The following PLA2G5 variants were observed in gnomAD, a reference collection of about 807,000 sequenced individuals.
PLA2G5 encodes the protein Ca2+-dependent phospholipase A2.
PLA2G5 carries 12 observed loss-of-function variants against 15.9 expected under a neutral mutation model. That is an observed-to-expected ratio of 0.76 (90% confidence interval 0.48 to 1.23). PLA2G5 has a LOEUF of 1.23. PLA2G5 is among the 50% of genes most tolerant of loss of function. The probability of loss-of-function intolerance (pLI) is 0.00; values close to 1 mark genes in which losing one functional copy is unlikely to be tolerated. For synonymous variants in PLA2G5, 71 were observed against 71.4 expected (o/e 0.99, Z 0.03); for missense variants, 169 against 177.1 (o/e 0.95, Z 0.26).
intron 2 of PLA2G5, among the ~76,000 whole-genome samples, chr1:20,085,786 T>A (rs984500010): frequency 6.6e-6 from 1 of 152,116 alleles, no homozygotes; most frequent in Non-Finnish European, 1.5e-5. Flanking sequence ...AGCTGCTAAT[T>A]TGGGGTCCCC....
chr1:20,042,782 G>A (rs376160022), intron 1 of PLA2G5, among the ~76,000 whole-genome samples: 1 of 152,148 alleles, frequency 6.6e-6, no homozygotes, highest in African/African-American at 2.4e-5. Flanking sequence ...GACATGATCA[G>A]CAGGGAGACC....
intron 1 of PLA2G5, among the ~76,000 whole-genome samples, chr1:20,072,592 T>C (rs2015435919): frequency 6.6e-6 from 1 of 152,126 alleles, no homozygotes. Context: ...AGGGGTGGTA[T>C]AAGGCAAGGC....
At chr1:20,071,370 G>A (rs1001682809) in intron 1 of PLA2G5, among the ~76,000 whole-genome samples, 2 of 152,158 alleles carry the variant, frequency 1.3e-5, no homozygotes, top group Admixed American at 6.5e-5. Flanking sequence ...ACACCCTCAA[G>A]GATTCACAGT....
chr1:20,037,214 G>A (rs115488207), intron 1 of PLA2G5, among the ~76,000 whole-genome samples: 2,907 of 152,260 alleles, frequency 0.019, 46 homozygotes, highest in Non-Finnish European at 0.027. Flanking sequence ...GGGTTCAAGC[G>A]TTGCTGTTCA....
intron 2 of PLA2G5, among the ~76,000 whole-genome samples, chr1:20,063,937 T>G (rs910643017): frequency 6.6e-6 from 1 of 152,242 alleles, no homozygotes; most frequent in Non-Finnish European, 1.5e-5. Context: ...AGCATGTTCT[T>G]ACTGACCACA....
At position 20,070,197 on chromosome 1, in the gene PLA2G5, C is replaced by T. The variant is rs943595373; in HGVS notation, c.-279C>T. On this transcript the variant is annotated 5_prime_UTR_variant, in exon 1 of 5. Coordinates refer to ENST00000375108, the MANE Select transcript of PLA2G5 (RefSeq NM_000929.3). ...GACTTCCTGCCTCTGCAAAGGCAGTCGGGGGCTGAGCAGGGTTCTACCCGG... is the reference window on the plus strand; with the variant it reads ...GACTTCCTGCCTCTGCAAAGGCAGTTGGGGGCTGAGCAGGGTTCTACCCGG... The T allele has an allele frequency of 1.6e-5, 16 of 985,312 alleles. No homozygotes were observed. The highest frequency in any genetic ancestry group is 1.2e-4 in the African/African-American group (7 of 57,236). 61.0% of individuals were successfully genotyped at this position (985,312 alleles called of 1,614,324 possible). A position where few individuals can be genotyped will look rare whatever the true frequency, so the allele number is the denominator to read the frequency against.
chr1:20,059,001 C>A (rs2014572302), intron 1 of PLA2G5, among the ~76,000 whole-genome samples: 1 of 150,932 alleles, frequency 6.6e-6, no homozygotes, highest in Non-Finnish European at 1.5e-5. Flanking sequence ...TGGCGAAACT[C>A]CATCTCTGCC....
At chr1:20,083,115 A>T (rs1332513552) in intron 1 of PLA2G5, among the ~76,000 whole-genome samples, 1 of 151,760 alleles carries the variant, frequency 6.6e-6, no homozygotes, top group Non-Finnish European at 1.5e-5. Flanking sequence ...GCAGAGAAAG[A>T]TTGGTGTGGA....
chr1:20,073,963 A>C (rs2015526863), intron 1 of PLA2G5, among the ~76,000 whole-genome samples: 1 of 152,178 alleles, frequency 6.6e-6, no homozygotes, highest in Non-Finnish European at 1.5e-5. Context: ...AGATGCCTAT[A>C]TTCTAGGGGC....
chr1:20,066,393 T>C (rs1406249289), upstream of PLA2G5, among the ~76,000 whole-genome samples: 1 of 152,050 alleles, frequency 6.6e-6, no homozygotes, highest in Admixed American at 6.6e-5. Flanking sequence ...AAAGCAGGAG[T>C]TTCATATTTT....
intron 1 of PLA2G5, among the ~76,000 whole-genome samples, chr1:20,071,617 A>G (rs1045933788): frequency 1.7e-4 from 26 of 152,148 alleles, no homozygotes; most frequent in African/African-American, 6.3e-4. Context: ...CGATGGATTC[A>G]CAAGACATTT....
chr1:20,034,242 C>G (rs979994814), intron 1 of PLA2G5, among the ~76,000 whole-genome samples: 1 of 152,094 alleles, frequency 6.6e-6, no homozygotes, highest in South Asian at 2.1e-4. Flanking sequence ...AAGGCCTGTT[C>G]GAATAGGAGG....
At chr1:20,048,529 C>T (rs886544974) in intron 1 of PLA2G5, among the ~76,000 whole-genome samples, 4 of 152,178 alleles carry the variant, frequency 2.6e-5, no homozygotes, top group African/African-American at 9.6e-5. Context: ...AACTTCTAAT[C>T]TTGTGGCTTT....
chr1:20,041,550 A>G (rs2013597478), intron 1 of PLA2G5, among the ~76,000 whole-genome samples: 1 of 152,202 alleles, frequency 6.6e-6, no homozygotes, highest in African/African-American at 2.4e-5. Context: ...GGGGGCCTGA[A>G]CAATCCCTGG....
At chr1:20,081,048 G>A (rs1000971360) in intron 1 of PLA2G5, among the ~76,000 whole-genome samples, 1 of 151,920 alleles carries the variant, frequency 6.6e-6, no homozygotes, top group African/African-American at 2.4e-5. Flanking sequence ...TGGAGCTGCT[G>A]CATGTGGACT....
chr1:20,041,411 T>C (rs1315139899), intron 1 of PLA2G5, among the ~76,000 whole-genome samples: 1 of 152,174 alleles, frequency 6.6e-6, no homozygotes, highest in Non-Finnish European at 1.5e-5. Context: ...GGCAGTTTTA[T>C]AGGATTTGGA....
chr1:20,067,995 C>A (rs115332462), upstream of PLA2G5, among the ~76,000 whole-genome samples: 621 of 151,880 alleles, frequency 4.1e-3, 10 homozygotes, highest in African/African-American at 0.014. Context: ...GACAGGCCCC[C>A]GTAATCCCAG....
chr1:20,089,779 G>T lies in PLA2G5; in HGVS notation c.186-10G>T, dbSNP rs2016473953. 1.2e-6 allele frequency: 2 copies of T among 1,611,854 alleles called. No individual in the cohort carries two copies. The highest frequency in any genetic ancestry group is 2.7e-5 in the African/African-American group (2 of 75,022). Reference sequence around the variant, plus strand: ...CTCCCACTCGGGATCTAAGTCTCTTGCACGGACAGGTGCTGTTGGGCGCAT... The same window carrying T: ...CTCCCACTCGGGATCTAAGTCTCTTTCACGGACAGGTGCTGTTGGGCGCAT... On this transcript the variant is annotated splice_polypyrimidine_tract_variant and intron_variant, in intron 3 of 4. Coordinates refer to ENST00000375108, the MANE Select transcript of PLA2G5 (RefSeq NM_000929.3).
At chr1:20,062,132 G>T (rs1390557254) in intron 2 of PLA2G5, among the ~76,000 whole-genome samples, 5 of 152,208 alleles carry the variant, frequency 3.3e-5, no homozygotes, top group Non-Finnish European at 5.9e-5. Context: ...AGCATACGCT[G>T]GCATCATGCT....
Sources: gnomAD v4.1 joint callset for allele counts (sites outside exome capture counted in the v4.1 genomes callset) on GRCh38, gnomAD v4.1.1 for gene constraint, MANE v1.5 for transcripts, NCBI Gene and HGNC (gene_info 2026-07-23, HGNC 2026-07-21) for gene names.